Variants in CDH4 observed in about 807,000 individuals in gnomAD.
CDH4 encodes cadherin-4.
CDH4 carries 33 observed loss-of-function variants against 86.0 expected under a neutral mutation model. The observed-to-expected ratio is 0.38, with a 90% CI of 0.29 to 0.51. CDH4 has a LOEUF of 0.51. Among genes scored for constraint, CDH4 ranks in the 20% least tolerant of loss-of-function variants. CDH4 has a pLI of 0.86. For synonymous variants in CDH4, 555 were observed against 549.4 expected (o/e 1.01, Z -0.14); for missense variants, 1,114 against 1,307.4 (o/e 0.85, Z 2.28).
Position 61,684,737 on chromosome 20 carries a change from C to CA in CDH4, c.170-58825dup, listed in dbSNP as rs2087555195. 6.6e-6 allele frequency among the ~76,000 whole-genome samples: 1 copy of CA among 152,154 alleles called. No individual in the cohort carries two copies. Among genetic ancestry groups the CA allele is most frequent in the Non-Finnish European group, 1.5e-5 (1 of 68,034 alleles). ...ATCCTCGCCAGCACCTGGGACCTGC[C>CA]ACACCCACCCAGCACAGCAGCCTCC... On this transcript the variant is annotated intron_variant, in intron 2 of 15. Coordinates refer to ENST00000614565, the MANE Select transcript of CDH4 (RefSeq NM_001794.5). This position sits in a 1 kb window ranked among gnomAD's most constrained non-coding sequence, Gnocchi z 4.5.
chr20:61,922,783 C>T (rs1015817277), intron 9 of CDH4, among the ~76,000 whole-genome samples: 1 of 152,142 alleles, frequency 6.6e-6, no homozygotes, highest in Non-Finnish European at 1.5e-5. Context: ...TTTTGGAGAG[C>T]CTTGCTCTGT....
intron 2 of CDH4, among the ~76,000 whole-genome samples, chr20:61,373,285 A>T (rs1204551199): frequency 6.6e-6 from 1 of 152,106 alleles, no homozygotes; most frequent in East Asian, 1.9e-4. Flanking sequence ...GTGAGGGCTG[A>T]GGGCATTGGG....
At chr20:61,848,174 C>T (rs1156411962) in intron 5 of CDH4, among the ~76,000 whole-genome samples, 1 of 152,242 alleles carries the variant, frequency 6.6e-6, no homozygotes, top group African/African-American at 2.4e-5. Context: ...GGTCCCACAC[C>T]TGCAGGCCCC....
At chr20:61,296,015 A>G (rs1436824523) in intron 2 of CDH4, among the ~76,000 whole-genome samples, 1 of 152,012 alleles carries the variant, frequency 6.6e-6, no homozygotes, top group African/African-American at 2.4e-5. Context: ...TTTCAGGAGG[A>G]CGGAGAAGGG....
chr20:61,745,133 C>T (rs1242128111), intron 3 of CDH4, among the ~76,000 whole-genome samples: 4 of 152,224 alleles, frequency 2.6e-5, no homozygotes, highest in Non-Finnish European at 4.4e-5. Context: ...CGGCCACTAG[C>T]AATCATGGGC....
intron 8 of CDH4, among the ~76,000 whole-genome samples, chr20:61,900,926 G>A (rs1985367005): frequency 6.6e-6 from 1 of 152,212 alleles, no homozygotes; most frequent in South Asian, 2.1e-4. Context: ...AGACCAATGA[G>A]TAAAACAGCA....
At chr20:61,450,777 G>A (rs2085374904) in intron 2 of CDH4, among the ~76,000 whole-genome samples, 1 of 150,798 alleles carries the variant, frequency 6.6e-6, no homozygotes, top group Non-Finnish European at 1.5e-5. Context: ...GGTTAGGGCA[G>A]AGAGAACCCT....
intron 2 of CDH4, among the ~76,000 whole-genome samples, chr20:61,438,094 G>A (rs1023888298): frequency 2.0e-5 from 3 of 152,180 alleles, no homozygotes; most frequent in African/African-American, 7.2e-5. Flanking sequence ...GTGGGCTATC[G>A]TCTGCCACCC....
chr20:61,880,936 G>A (rs12479780), intron 7 of CDH4, among the ~76,000 whole-genome samples: 19,621 of 152,252 alleles, frequency 0.13, 1,377 homozygotes, highest in South Asian at 0.23. Context: ...CAATAACAGC[G>A]GTGCTAATGG....
At chr20:61,352,130 C>T (rs946729068) in intron 2 of CDH4, among the ~76,000 whole-genome samples, 4 of 152,168 alleles carry the variant, frequency 2.6e-5, no homozygotes, top group African/African-American at 9.7e-5. Context: ...TGCTCACTCA[C>T]CGTCTGCACT....
intron 2 of CDH4, among the ~76,000 whole-genome samples, chr20:61,549,246 A>G (rs1165155008): frequency 6.6e-6 from 1 of 152,174 alleles, no homozygotes; most frequent in Non-Finnish European, 1.5e-5. Context: ...ACGCAGTGAC[A>G]GTCGCTGGTT....
chr20:61,463,635 G>T (rs1305502064), intron 2 of CDH4, among the ~76,000 whole-genome samples: 1 of 152,162 alleles, frequency 6.6e-6, no homozygotes, highest in African/African-American at 2.4e-5. Context: ...AGGGCGGAGG[G>T]TCTCATGTTG....
At chr20:61,267,691 A>C (rs1349089659) in intron 2 of CDH4, among the ~76,000 whole-genome samples, 1 of 152,174 alleles carries the variant, frequency 6.6e-6, no homozygotes, top group Non-Finnish European at 1.5e-5. Flanking sequence ...TGTTAATCTA[A>C]AGGTCTGCGT....
intron 6 of CDH4, among the ~76,000 whole-genome samples, chr20:61,867,549 A>AG: frequency 2.9e-5 from 1 of 34,422 alleles, no homozygotes; most frequent in Non-Finnish European, 6.9e-5. Flanking sequence ...GACTCCATCC[A>AG]AAAAAAAAAA....
At chr20:61,602,683 A>G (rs73914900) in intron 2 of CDH4, among the ~76,000 whole-genome samples, 4,596 of 123,500 alleles carry the variant, frequency 0.037, 268 homozygotes, top group African/African-American at 0.13. Context: ...GGGTTTATAC[A>G]TTCACTTTAT....
intron 2 of CDH4, among the ~76,000 whole-genome samples, chr20:61,732,938 GC>G (rs2088211845): frequency 6.6e-6 from 1 of 152,194 alleles, no homozygotes; most frequent in African/African-American, 2.4e-5. Flanking sequence ...TGCCACATGT[GC>G]TGGGAGCCCC....
At chr20:61,746,426 A>G (rs13041559) in intron 3 of CDH4, among the ~76,000 whole-genome samples, 10,550 of 152,212 alleles carry the variant, frequency 0.069, 459 homozygotes, top group South Asian at 0.16. Context: ...GTGTAGGCTC[A>G]TCTAACCCTC....
chr20:61,420,449 CA>C (rs1416125166), intron 2 of CDH4, among the ~76,000 whole-genome samples: 1 of 152,232 alleles, frequency 6.6e-6, no homozygotes, highest in Non-Finnish European at 1.5e-5. Flanking sequence ...ACAGGGTCCC[CA>C]GGGGTGGGAA....
chr20:61,286,157 C>A (rs1461801507), intron 2 of CDH4, among the ~76,000 whole-genome samples: 1 of 152,162 alleles, frequency 6.6e-6, no homozygotes, highest in East Asian at 1.9e-4. Context: ...TTCTCAATGC[C>A]CTTTTGCACT....
Sources: allele counts gnomAD v4.1 joint callset (sites outside exome capture counted in the v4.1 genomes callset), GRCh38; gene constraint gnomAD v4.1.1; non-coding constraint Gnocchi (gnomAD v3.1); transcripts MANE v1.5; gene names NCBI Gene and HGNC (gene_info 2026-07-23, HGNC 2026-07-21).